RASA3: variants seen among roughly 807,000 people sequenced by gnomAD.
The protein encoded by RASA3 is ras GTPase-activating protein 3.
In RASA3, 73 loss-of-function variants were observed where a neutral mutation model predicts 110.0. The observed-to-expected ratio is 0.66, with a 90% confidence interval of 0.55 to 0.81. The LOEUF (loss-of-function observed/expected upper bound fraction) is 0.81. RASA3 is among the 30% of genes least tolerant of loss of function. The pLI, the probability that RASA3 is intolerant of heterozygous loss-of-function variation, is 0.00. For missense variants in RASA3, 976 were observed against 1,113.2 expected, an observed-to-expected ratio of 0.88 and a Z score of 1.75; for synonymous variants, 500 against 451.4, an observed-to-expected ratio of 1.11 and a Z score of -1.37.
At chr13:114,121,752 G>A (rs1294361771) in intron 1 of RASA3, among the ~76,000 whole-genome samples, 2 of 152,240 alleles carry the variant, frequency 1.3e-5, no homozygotes, top group African/African-American at 2.4e-5. Flanking sequence ...CACCATGGCC[G>A]TGTGAGTTTA....
Position 114,048,310 on chromosome 13 carries a change from G to A in RASA3, c.277+3742C>T, listed in dbSNP as rs1287992435. Among the ~76,000 whole-genome samples the A allele has an allele frequency of 7.1e-6, 1 of 140,260 alleles. No homozygotes were observed. The highest frequency in any genetic ancestry group is 1.6e-5 in the Non-Finnish European group (1 of 64,150). The allele number at this position is 140,260 out of a possible 152,430, so 92.0% of individuals were successfully genotyped here. On this transcript the variant is annotated intron_variant, in intron 3 of 23. Transcript: ENST00000334062. The surrounding 1 kb of genome is among the most constrained non-coding windows in gnomAD (Gnocchi z 4.3). Reference sequence around the variant, plus strand: ...AGCCTGGGCGACAGAAAGAGACTCCGTCTCAAAAAAAAAAAAAAAGAAGAA... The same window carrying A: ...AGCCTGGGCGACAGAAAGAGACTCCATCTCAAAAAAAAAAAAAAAGAAGAA...
intron 1 of RASA3, among the ~76,000 whole-genome samples, chr13:114,104,794 T>G (rs1477684029): frequency 6.6e-6 from 1 of 152,076 alleles, no homozygotes; most frequent in Non-Finnish European, 1.5e-5. Context: ...CAGTGTCTGT[T>G]CTGGAGGGGG....
At chr13:114,106,907 G>A (rs1267890914) in intron 1 of RASA3, among the ~76,000 whole-genome samples, 1 of 152,224 alleles carries the variant, frequency 6.6e-6, no homozygotes, top group African/African-American at 2.4e-5. Context: ...ATTTTAAAAT[G>A]TTCTTAATTA....
At position 114,014,632 on chromosome 13, in the gene RASA3, G is replaced by T. The variant is rs537922606; in HGVS notation, c.1405+577C>A. 5.8e-4 allele frequency among the ~76,000 whole-genome samples: 89 copies of T among 152,250 alleles called. No homozygotes were observed. Among genetic ancestry groups the T allele is most frequent in the African/African-American group, 2.0e-3 (83 of 41,560 alleles). ...GCAGGCACCCAGCTCCTCCCTGAGG[G>T]TCGGCAAGGTTGAGAAGTGGGGTTT... is the stretch of plus-strand genomic sequence containing the variant. On this transcript the variant is annotated intron_variant, in intron 14 of 23. Coordinates refer to ENST00000334062, the MANE Select transcript of RASA3 (RefSeq NM_007368.4). This position sits in a 1 kb window ranked among gnomAD's most constrained non-coding sequence, Gnocchi z 4.5.
intron 4 of RASA3, chr13:114,036,120 C>T (rs1160998773): frequency 1.3e-5 from 2 of 152,286 alleles, no homozygotes; most frequent in African/African-American, 4.8e-5. Context: ...GCGCCCAGAT[C>T]ACCGCGGATG....
chr13:114,013,131 C>T lies in RASA3; in HGVS notation c.1512+11G>A, dbSNP rs546793770. ...GCTCAGAAAGCCTCGGTCCCTCAGC[C>T]GGTCACTCACCGTGTGGTGCGGCGT... On this transcript the variant is annotated intron_variant, in intron 15 of 23. Transcript: ENST00000334062. 3.9e-5 allele frequency: 63 copies of T among 1,608,358 alleles called. No individual in the cohort carries two copies. The highest frequency in any genetic ancestry group is 3.1e-4 in the East Asian group (14 of 44,748).
chr13:114,103,559 C>A (rs1278020649), intron 1 of RASA3, among the ~76,000 whole-genome samples: 3 of 120,424 alleles, frequency 2.5e-5, no homozygotes, highest in Non-Finnish European at 3.6e-5. Flanking sequence ...CAGACACCCA[C>A]CCCCGATGCG....
intron 9 of RASA3, 110 bp downstream of exon 9, chr13:114,021,294 G>T: frequency 1.1e-6 from 1 of 910,642 alleles, no homozygotes; most frequent in Non-Finnish European, 1.7e-6. Flanking sequence ...TGGGTGCTGG[G>T]CACAGCCGAG....
Position 114,099,516 on chromosome 13 carries a change from A to C in RASA3, c.56-25679T>G, listed in dbSNP as rs1028819125. On this transcript the variant is annotated intron_variant, in intron 1 of 23. Coordinates refer to ENST00000334062, the MANE Select transcript of RASA3 (RefSeq NM_007368.4). ...GTCAGCGCTTCTCAGACCTGTGTTC[A>C]CACAGCGCGTCTCCCTCCTTTCCCT... Among the ~76,000 whole-genome samples, 6 of 151,758 alleles carry C rather than the reference A, an allele frequency of 4.0e-5. No homozygotes were observed. The East Asian group carries it at 9.7e-4, about 25-fold the overall frequency.
At chr13:114,016,295 C>A in intron 12 of RASA3, 24 bp from the exon 13 acceptor site, 1 of 1,532,352 alleles carries the variant, frequency 6.5e-7, no homozygotes, top group Non-Finnish European at 9.0e-7. Context: ...TAAGACAGGG[C>A]TCTGTGAGTG....
chr13:114,033,171 AC>A, intron 4 of RASA3, among the ~76,000 whole-genome samples: 1 of 41,026 alleles, frequency 2.4e-5, no homozygotes, highest in Non-Finnish European at 4.6e-5. Flanking sequence ...CCACACTGAC[AC>A]CACGCCCCAC....
Position 113,979,283 on chromosome 13 carries a change from C to T in RASA3, c.*64G>A, listed in dbSNP as rs1429459205. On this transcript the variant is annotated 3_prime_UTR_variant, in exon 24 of 24. Transcript: ENST00000334062. ...GCTCTGCGCTCTTCCTTCTCTTCTC[C>T]CTCCCAAAGGCTGCGGCTTTGCATG... The T allele has an allele frequency of 4.2e-6, 6 of 1,438,170 alleles. No individual in the cohort carries two copies. 89.1% of individuals were successfully genotyped at this position (1,438,170 alleles called of 1,614,324 possible). A position where few individuals can be genotyped will look rare whatever the true frequency, so the allele number is the denominator to read the frequency against.
intron 1 of RASA3, among the ~76,000 whole-genome samples, chr13:114,083,727 G>C (rs9525393): frequency 0.35 from 3,476 of 9,810 alleles, 231 homozygotes; most frequent in Non-Finnish European, 0.52. Flanking sequence ...CGGGGAAGTG[G>C]TGAGTCTGGA....
intron 2 of RASA3, among the ~76,000 whole-genome samples, chr13:114,073,008 G>A (rs1474160409): frequency 4.1e-5 from 6 of 146,958 alleles, no homozygotes; most frequent in South Asian, 2.2e-4. Context: ...CCCTACACGC[G>A]GGAAAATGGG....
intron 4 of RASA3, among the ~76,000 whole-genome samples, chr13:114,031,169 G>A (rs1410199155): frequency 6.6e-6 from 1 of 151,658 alleles, no homozygotes; most frequent in Non-Finnish European, 1.5e-5. Context: ...AGCTGTGTGT[G>A]TCTGCCTGTC....
chr13:113,991,712 A>G (rs986649634), intron 22 of RASA3, among the ~76,000 whole-genome samples: 2 of 152,256 alleles, frequency 1.3e-5, no homozygotes, highest in Non-Finnish European at 2.9e-5. Flanking sequence ...TGTTTCAAAT[A>G]TATATGCAGT....
intron 4 of RASA3, among the ~76,000 whole-genome samples, chr13:114,034,273 C>A (rs536495006): frequency 6.6e-6 from 1 of 152,234 alleles, no homozygotes; most frequent in African/African-American, 2.4e-5. Context: ...TCTCAAATGC[C>A]GGGCGCAAAC....
chr13:114,064,222 G>A (rs990415661), intron 2 of RASA3, among the ~76,000 whole-genome samples: 1 of 152,232 alleles, frequency 6.6e-6, no homozygotes, highest in East Asian at 1.9e-4. Flanking sequence ...AGCAGAGGCT[G>A]CGAGGCCAGC....
chr13:114,019,658 C>A (rs967183048), intron 9 of RASA3, among the ~76,000 whole-genome samples: 3 of 150,690 alleles, frequency 2.0e-5, no homozygotes, highest in Non-Finnish European at 4.4e-5. Context: ...GTGTCCGAGG[C>A]ATTAGATCCC....
Sources: allele counts gnomAD v4.1 joint callset (sites outside exome capture counted in the v4.1 genomes callset), GRCh38; gene constraint gnomAD v4.1.1; non-coding constraint Gnocchi (gnomAD v3.1); transcripts MANE v1.5; gene names NCBI Gene and HGNC (gene_info 2026-07-23, HGNC 2026-07-21).